Variants in SHOC2 observed in about 807,000 individuals in gnomAD.
SHOC2 encodes SHOC2 leucine rich repeat scaffold protein.
Under a neutral mutation model 50.2 loss-of-function variants are expected in SHOC2, and 4 were observed. The ratio of observed to expected loss-of-function variants is 0.08; its 90% CI spans 0.04 to 0.18. SHOC2 has a LOEUF of 0.18. SHOC2 is among the 10% of genes least tolerant of loss of function. The probability of loss-of-function intolerance (pLI) is 1.00; values close to 1 mark genes in which losing one functional copy is unlikely to be tolerated. For missense variants in SHOC2, 388 were observed against 669.6 expected (o/e 0.58, Z 4.64); for synonymous variants, 218 against 244.5 (o/e 0.89, Z 1.01).
At chr10:110,975,915 C>CTTTT (rs146777123) in intron 2 of SHOC2, among the ~76,000 whole-genome samples, 2 of 148,294 alleles carry the variant, frequency 1.3e-5, no homozygotes. Flanking sequence ...TTCTCTTCTT[C>CTTTT]TTTTTTTTTT....
intron 1 of SHOC2, among the ~76,000 whole-genome samples, chr10:110,940,382 A>C (rs1847111728): frequency 1.3e-5 from 2 of 152,174 alleles, no homozygotes; most frequent in Admixed American, 1.3e-4. Flanking sequence ...TTTCTCTTAG[A>C]AAAGAAATGA....
intron 2 of SHOC2, among the ~76,000 whole-genome samples, chr10:110,973,971 A>G (rs1293931388): frequency 6.6e-6 from 1 of 151,642 alleles, no homozygotes; most frequent in Non-Finnish European, 1.5e-5. Context: ...CTTGATGTGT[A>G]TCAATTTTAC....
chr10:111,008,298 T>C (rs923887653), intron 6 of SHOC2, among the ~76,000 whole-genome samples: 1 of 151,470 alleles, frequency 6.6e-6, no homozygotes, highest in African/African-American at 2.4e-5. Context: ...TGCTTACTAA[T>C]AGTAAATATA....
chr10:110,990,139 G>C (rs1358282745), intron 3 of SHOC2, among the ~76,000 whole-genome samples: 1 of 152,278 alleles, frequency 6.6e-6, no homozygotes, highest in Non-Finnish European at 1.5e-5. Flanking sequence ...CAAGGGCTGA[G>C]GAAGGCGAGC....
chr10:110,993,361 G>A (rs760426721), intron 3 of SHOC2, among the ~76,000 whole-genome samples: 13 of 152,146 alleles, frequency 8.5e-5, no homozygotes, highest in East Asian at 1.9e-4. Flanking sequence ...TTCTTCTGGC[G>A]TAAAAGAGTT....
At chr10:110,969,078 T>C (rs751962536) in intron 2 of SHOC2, among the ~76,000 whole-genome samples, 2 of 152,234 alleles carry the variant, frequency 1.3e-5, no homozygotes, top group African/African-American at 2.4e-5. Flanking sequence ...CAGAGATCTA[T>C]CAGAAAGTAG....
chr10:110,920,441 G>GT (rs960655214), intron 1 of SHOC2, among the ~76,000 whole-genome samples: 4 of 152,130 alleles, frequency 2.6e-5, no homozygotes, highest in Non-Finnish European at 5.9e-5. Context: ...AATATCCATT[G>GT]TTTTTGTACC....
At chr10:110,925,188 T>G (rs1846742300) in intron 1 of SHOC2, among the ~76,000 whole-genome samples, 1 of 148,318 alleles carries the variant, frequency 6.7e-6, no homozygotes, top group African/African-American at 2.5e-5. Flanking sequence ...CATGGTAAAG[T>G]TTTTTTTTTG....
chr10:111,009,678 A>G (rs1394530948), intron 7 of SHOC2, 35 bp from the exon 8 acceptor site: 18 of 1,271,136 alleles, frequency 1.4e-5, no homozygotes, highest in Non-Finnish European at 2.1e-5. Context: ...TAGGAAATAT[A>G]TTTGTAACTC....
At position 110,964,961 on chromosome 10, in the gene SHOC2, T is replaced by C; in HGVS notation, c.603T>C (p.Phe201=). 6.2e-7 allele frequency: 1 copy of C among 1,613,730 alleles called. No homozygotes were observed. Among genetic ancestry groups the C allele is most frequent in the Non-Finnish European group, 8.5e-7 (1 of 1,179,916 alleles). ...LDSLTTLYLR[F]NRITTVEKDI... ...CTCTCACCACTCTTTACCTTCGCTT[T>C]AATCGTATAACTACTGTGGAAAAGG... The change falls in exon 2 of 9, where the codon TTT becomes TTC. Residue 201 remains phenylalanine, a synonymous_variant. Coordinates refer to ENST00000369452, the MANE Select transcript of SHOC2 (RefSeq NM_007373.4). The surrounding 1 kb of genome is among the most constrained non-coding windows in gnomAD (Gnocchi z 4.9).
At chr10:111,010,140 T>G (rs1476598127) in intron 8 of SHOC2, among the ~76,000 whole-genome samples, 1 of 152,142 alleles carries the variant, frequency 6.6e-6, no homozygotes, top group Non-Finnish European at 1.5e-5. Context: ...AATTTAAAAT[T>G]ACACAGGCTT....
intron 2 of SHOC2, among the ~76,000 whole-genome samples, chr10:110,968,474 A>G (rs931760705): frequency 2.0e-5 from 3 of 151,930 alleles, no homozygotes; most frequent in Non-Finnish European, 2.9e-5. Context: ...TTAATTCAAA[A>G]TATATGCTAA....
At chr10:110,974,645 A>G (rs1471754114) in intron 2 of SHOC2, among the ~76,000 whole-genome samples, 1 of 152,010 alleles carries the variant, frequency 6.6e-6, no homozygotes, top group African/African-American at 2.4e-5. Context: ...CTTTTGGCAT[A>G]TTAGTTACAC....
chr10:110,950,182 A>C (rs547279032), intron 1 of SHOC2, among the ~76,000 whole-genome samples: 2 of 152,330 alleles, frequency 1.3e-5, no homozygotes, highest in East Asian at 3.9e-4. Flanking sequence ...AGAATTAATA[A>C]ATGAATTCAG....
chr10:110,989,080 C>A (rs1285715517), intron 3 of SHOC2: 4 of 484,736 alleles, frequency 8.3e-6, no homozygotes, highest in African/African-American at 2.0e-5. Flanking sequence ...TAATTTACCT[C>A]CATTGTGGTC....
chr10:110,936,527 A>T lies in SHOC2; in HGVS notation c.-235+16870A>T, dbSNP rs147043104. 78 of 611,600 alleles carry T rather than the reference A, an allele frequency of 1.3e-4. No homozygotes were observed. The East Asian group carries it at 2.1e-3, about 16-fold the overall frequency. 37.9% of individuals were successfully genotyped at this position (611,600 alleles called of 1,614,324 possible). A position where few individuals can be genotyped will look rare whatever the true frequency, so the allele number is the denominator to read the frequency against. On this transcript the variant is annotated intron_variant, in intron 1 of 8. Coordinates refer to ENST00000369452, the MANE Select transcript of SHOC2 (RefSeq NM_007373.4). ...TGAGAAACAGTAATTTTACTATTGC[A>T]GTATTTATCTTGATTAGTCTGCATC...
intron 1 of SHOC2, among the ~76,000 whole-genome samples, chr10:110,920,451 C>A (rs1846610384): frequency 1.3e-5 from 2 of 152,144 alleles, no homozygotes; most frequent in Non-Finnish European, 2.9e-5. Context: ...GTTTTTGTAC[C>A]ATCCCCCTCC....
At chr10:111,006,457 G>A (rs1036081968) in intron 5 of SHOC2, among the ~76,000 whole-genome samples, 12 of 151,672 alleles carry the variant, frequency 7.9e-5, no homozygotes, top group Non-Finnish European at 1.3e-4. Flanking sequence ...TGCAAGCTCC[G>A]CCTCCCGGGT....
At chr10:110,941,188 A>G (rs1322327399) in intron 1 of SHOC2, among the ~76,000 whole-genome samples, 1 of 151,458 alleles carries the variant, frequency 6.6e-6, no homozygotes, top group Non-Finnish European at 1.5e-5. Flanking sequence ...GTGATCTGTC[A>G]TTGTGATTTT....
Sources: allele counts gnomAD v4.1 joint callset (sites outside exome capture counted in the v4.1 genomes callset), GRCh38; gene constraint gnomAD v4.1.1; non-coding constraint Gnocchi (gnomAD v3.1); transcripts MANE v1.5; gene names NCBI Gene and HGNC (gene_info 2026-07-23, HGNC 2026-07-21).